Variants in RMDN3 observed in about 807,000 individuals in gnomAD.
RMDN3 encodes regulator of microtubule dynamics protein 3.
A neutral mutation model predicts 61.8 loss-of-function variants in RMDN3; 41 were observed. The observed-to-expected ratio is 0.66, with a 90% CI of 0.52 to 0.86. RMDN3 has a LOEUF of 0.86. Among genes scored for constraint, RMDN3 ranks in the 40% least tolerant of loss-of-function variants. RMDN3 has a pLI of 0.00. For missense variants in RMDN3, 557 were observed against 585.3 expected (o/e 0.95, Z 0.50); for synonymous variants, 247 against 232.0 (o/e 1.06, Z -0.59).
intron 6 of RMDN3, among the ~76,000 whole-genome samples, chr15:40,741,001 T>G (rs1424922172): frequency 6.6e-6 from 1 of 151,902 alleles, no homozygotes; most frequent in Non-Finnish European, 1.5e-5. Flanking sequence ...GGAGAATCAC[T>G]TGAACCTGGG....
At chr15:40,740,248 G>A in intron 6 of RMDN3, 55 bp from the exon 7 acceptor site, 5 of 1,202,292 alleles carry the variant, frequency 4.2e-6, no homozygotes, top group Non-Finnish European at 4.9e-6. Flanking sequence ...CACTTTCATA[G>A]GAAGGCTTGT....
intron 5 of RMDN3, 151 bp downstream of exon 5, chr15:40,744,826 G>T: frequency 1.2e-6 from 1 of 825,718 alleles, no homozygotes; most frequent in Non-Finnish European, 1.9e-6. Flanking sequence ...GTGACCTGGG[G>T]GACAGATGCA....
intron 6 of RMDN3, 50 bp from the exon 7 acceptor site, chr15:40,740,243 T>A: frequency 1.6e-6 from 2 of 1,230,944 alleles, no homozygotes; most frequent in Non-Finnish European, 1.2e-6. Context: ...ATGCACACTT[T>A]CATAGGAAGG....
chr15:40,740,549 G>A (rs568221548), intron 6 of RMDN3, among the ~76,000 whole-genome samples: 4 of 152,342 alleles, frequency 2.6e-5, no homozygotes, highest in East Asian at 1.9e-4. Flanking sequence ...AAAAGGCTGA[G>A]GCAGGAGAAT....
intron 5 of RMDN3, 143 bp from the exon 6 acceptor site, chr15:40,744,292 C>G: frequency 5.9e-6 from 4 of 678,512 alleles, no homozygotes; most frequent in African/African-American, 1.8e-5. Context: ...CTACACGCAG[C>G]CTTCCCCCCA....
At chr15:40,743,908 G>A (rs1327494760) in intron 6 of RMDN3, 139 bp downstream of exon 6, 3 of 633,340 alleles carry the variant, frequency 4.7e-6, no homozygotes, top group African/African-American at 3.7e-5. Context: ...GTCTTTGGGA[G>A]CCAGAGTTTG....
At position 40,737,145 on chromosome 15, in the gene RMDN3, C is replaced by G. The variant is rs756424658; in HGVS notation, c.1338G>C (p.Glu446Asp). 3.7e-6 allele frequency: 6 copies of G among 1,614,080 alleles called. No individual in the cohort carries two copies. The African/African-American group carries it at 4.0e-5, about 11-fold the overall frequency. ...EARWWMKLAL[E>D]LPDVTKEDLA... ...TTACCTCCTTCGTGACATCTGGCAG[C>G]TCCAGGGCCAACTTCATCCACCATC... The change falls in exon 12 of 13, where the codon GAG becomes GAC. Residue 446 changes from glutamate (E) to aspartate (D), a missense_variant. By Grantham distance (45) the Glu-to-Asp change is conservative. Transcript: ENST00000338376.
In RMDN3 at chr15:40,738,765, A is replaced by G. The variant is rs1596039904; in HGVS notation, c.972-189T>C. The stretch of plus-strand genomic sequence containing the variant: ...CCTCTGGCCCCAATTAGTATTCTTT[A>G]GTAGATAATGGTAGGCTTACAAGTC... On this transcript the variant is annotated intron_variant, in intron 7 of 12. Coordinates refer to ENST00000338376, the MANE Select transcript of RMDN3 (RefSeq NM_018145.3). 8 of 610,766 alleles carry G rather than the reference A, an allele frequency of 1.3e-5. No homozygotes were observed. In the East Asian group the frequency reaches 1.4e-4, roughly 11 times the overall value. 37.8% of individuals were successfully genotyped at this position (610,766 alleles called of 1,614,324 possible). A position where few individuals can be genotyped will look rare whatever the true frequency, so the allele number is the denominator to read the frequency against.
At position 40,737,707 on chromosome 15, in the gene RMDN3, A is replaced by G; in HGVS notation, c.1145T>C (p.Leu382Pro). The G allele has an allele frequency of 6.2e-7, 1 of 1,613,986 alleles. No homozygotes were observed. Among genetic ancestry groups the G allele is most frequent in the Non-Finnish European group, 8.5e-7 (1 of 1,179,970 alleles). ...WCYQVSHLSW[L>P]EKKTATALLE... ...CAAGGCTGTAGCAGTTTTTTTTTCT[A>G]GCCAGCTCAGGTGAGAGACCTGCCA... Residue 382 changes from leucine (L) to proline (P), a missense_variant, in exon 10 of 13, where the codon CTA becomes CCA. Leu to Pro is a moderately conservative substitution (Grantham distance 98). Coordinates refer to ENST00000338376, the MANE Select transcript of RMDN3 (RefSeq NM_018145.3).
chr15:40,743,974 TC>T, intron 6 of RMDN3, 72 bp downstream of exon 6: 4 of 1,302,484 alleles, frequency 3.1e-6, no homozygotes, highest in Middle Eastern at 1.9e-4. Flanking sequence ...GTTCCCCGGG[TC>T]CCCAGGCAGA....
At chr15:40,752,274 A>C in intron 2 of RMDN3, 96 bp from the exon 3 acceptor site, 1 of 1,280,420 alleles carries the variant, frequency 7.8e-7, no homozygotes, top group Non-Finnish European at 1.1e-6. Context: ...TTTCCATTGG[A>C]AGAGAAGGCC....
In RMDN3 at chr15:40,737,207, G is replaced by A. The variant is rs769501127; in HGVS notation, c.1279-3C>T. The A allele has an allele frequency of 1.9e-6, 3 of 1,613,984 alleles. No individual in the cohort carries two copies. The South Asian group carries it at 3.3e-5, about 18-fold the overall frequency. On this transcript the variant is annotated splice_polypyrimidine_tract_variant and splice_region_variant and intron_variant, in intron 11 of 12. Coordinates refer to ENST00000338376, the MANE Select transcript of RMDN3 (RefSeq NM_018145.3). ...TTTTTCCCTAGTTCTCTGTAGCACT[G>A]AAAAGAGACAACAGTGAAACCTGAT...
intron 7 of RMDN3, 42 bp downstream of exon 7, chr15:40,740,091 G>A (rs372422403): frequency 1.2e-4 from 164 of 1,344,218 alleles, no homozygotes; most frequent in Non-Finnish European, 1.7e-4. Flanking sequence ...CTCTGCTTTG[G>A]CCCTTGCTGG....
intron 5 of RMDN3, 129 bp from the exon 6 acceptor site, chr15:40,744,278 G>A: frequency 2.7e-6 from 2 of 737,388 alleles, no homozygotes; most frequent in Admixed American, 4.6e-5. Flanking sequence ...TATCAGGCCA[G>A]CTCCTACACG....
At position 40,736,608 on chromosome 15, in the gene RMDN3, G is replaced by C. The variant is rs751369428; in HGVS notation, c.1360-14C>G. ...GATAGCCAAATCCTAGGGAGACAAA[G>C]AACAAATCTAGGGCTCAAAATTTAA... On this transcript the variant is annotated splice_polypyrimidine_tract_variant and intron_variant, in intron 12 of 12. Transcript: ENST00000338376. 1 of 1,613,194 alleles carries C rather than the reference G, an allele frequency of 6.2e-7. No homozygotes were observed. The highest frequency in any genetic ancestry group is 2.2e-5 in the East Asian group (1 of 44,858).
At chr15:40,754,261 G>T (rs1337982702) in intron 2 of RMDN3, among the ~76,000 whole-genome samples, 1 of 151,386 alleles carries the variant, frequency 6.6e-6, no homozygotes, top group Non-Finnish European at 1.5e-5. Flanking sequence ...CTCCCCAGTA[G>T]CTGGGACTAC....
In RMDN3 at chr15:40,746,878, G is replaced by GAA. The variant is rs199761058; in HGVS notation, c.525-1621_525-1620dup. Among the ~76,000 whole-genome samples, 1,240 of 140,694 alleles carry GAA rather than the reference G, an allele frequency of 8.8e-3. 10 individuals are homozygous for GAA. Among genetic ancestry groups the GAA allele is most frequent in the Middle Eastern group, 0.043 (12 of 280 alleles). The allele number at this position is 140,694 out of a possible 152,430, so 92.3% of individuals were successfully genotyped here. On this transcript the variant is annotated intron_variant, in intron 4 of 12. Transcript: ENST00000338376. ...AAGTAGATTTCCCCTTTAGTTATTAGAAAAAAAAAAAAACACCTTTAGAAA... is the reference window on the plus strand; with the variant it reads ...AAGTAGATTTCCCCTTTAGTTATTAGAAAAAAAAAAAAAAACACCTTTAGAAA...
At chr15:40,740,532 G>A (rs182285980) in intron 6 of RMDN3, among the ~76,000 whole-genome samples, 2 of 152,306 alleles carry the variant, frequency 1.3e-5, no homozygotes, top group African/African-American at 4.8e-5. Context: ...TGTAGTCCCA[G>A]CTACTCAAAA....
Position 40,740,188 on chromosome 15 carries a change from CT to C in RMDN3, c.915del (p.Glu306LysfsTer74), listed in dbSNP as rs1324634228. On this transcript the variant is annotated frameshift_variant, in exon 7 of 13. Transcript: ENST00000338376. LOFTEE classifies it high-confidence loss of function. ...SEKKSYALDG[K>X]EEAEAALEKG... ...TTCTCCAGAGCAGCCTCTGCTTCTT[CT>C]TTTCCTGTAGGACGAAGGTAGATCC... The C allele has an allele frequency of 1.9e-6, 3 of 1,610,182 alleles. No homozygotes were observed. Among genetic ancestry groups the C allele is most frequent in the East Asian group, 2.2e-5 (1 of 44,864 alleles).
Sources: gnomAD v4.1 joint callset for allele counts (sites outside exome capture counted in the v4.1 genomes callset) on GRCh38, gnomAD v4.1.1 for gene constraint, MANE v1.5 for transcripts, NCBI Gene and HGNC (gene_info 2026-07-23, HGNC 2026-07-21) for gene names.